SLC35D4: variants seen among roughly 807,000 people sequenced by gnomAD.
SLC35D4 encodes solute carrier family 35 member D4.
chr18:23,414,986 C>A, the SLC35D4 span, among the ~76,000 whole-genome samples: 35 of 152,082 alleles, frequency 2.3e-4, no homozygotes, highest in Non-Finnish European at 1.2e-4. Flanking sequence ...ATGGCTCACA[C>A]CTATAGTTTC....
chr18:23,262,011 C>T, the SLC35D4 span, among the ~76,000 whole-genome samples: 1 of 152,206 alleles, frequency 6.6e-6, no homozygotes, highest in Non-Finnish European at 1.5e-5. Context: ...GCAGAATCTA[C>T]ATCTTACCAT....
At chr18:23,341,616 G>C in the SLC35D4 span, among the ~76,000 whole-genome samples, 1 of 152,326 alleles carries the variant, frequency 6.6e-6, no homozygotes, top group African/African-American at 2.4e-5. Flanking sequence ...TGGGAATGCT[G>C]TATTGCTAAG....
the SLC35D4 span, among the ~76,000 whole-genome samples, chr18:23,314,975 T>C: frequency 6.6e-6 from 1 of 152,246 alleles, no homozygotes; most frequent in African/African-American, 2.4e-5. Context: ...CAAACATTCA[T>C]TTCAATCCTG....
the SLC35D4 span, among the ~76,000 whole-genome samples, chr18:23,282,756 C>T: frequency 3.3e-5 from 5 of 152,040 alleles, no homozygotes; most frequent in African/African-American, 9.7e-5. Context: ...TTTTGGAAGC[C>T]GCTTTAGAAT....
the SLC35D4 span, among the ~76,000 whole-genome samples, chr18:23,268,801 TGC>T: frequency 9.4e-5 from 13 of 138,576 alleles, no homozygotes; most frequent in African/African-American, 2.3e-4. Flanking sequence ...CGTGTGTGTG[TGC>T]GTGTGTGTGT....
chr18:23,370,006 C>A, the SLC35D4 span, among the ~76,000 whole-genome samples: 1 of 152,110 alleles, frequency 6.6e-6, no homozygotes, highest in African/African-American at 2.4e-5. Flanking sequence ...CATGGAGAAA[C>A]CCCTCTCTAC....
chr18:23,430,768 C>T, the SLC35D4 span: 2 of 1,226,542 alleles, frequency 1.6e-6, no homozygotes, highest in Non-Finnish European at 1.2e-6. Flanking sequence ...AAAAACATAA[C>T]CACATAACCT....
chr18:23,369,649 G>T, the SLC35D4 span, among the ~76,000 whole-genome samples: 1 of 152,300 alleles, frequency 6.6e-6, no homozygotes, highest in Non-Finnish European at 1.5e-5. Flanking sequence ...ATCCCCTGAA[G>T]GAAGGAGATT....
the SLC35D4 span, among the ~76,000 whole-genome samples, chr18:23,304,540 T>C: frequency 5.3e-5 from 8 of 150,048 alleles, no homozygotes; most frequent in Non-Finnish European, 1.0e-4. Flanking sequence ...ATAAAATACA[T>C]ATATTCTCTT....
the SLC35D4 span, among the ~76,000 whole-genome samples, chr18:23,394,882 C>T: frequency 6.7e-6 from 1 of 148,236 alleles, no homozygotes; most frequent in Admixed American, 6.9e-5. Context: ...AGTCGGGAGG[C>T]TGAGGCAGGA....
the SLC35D4 span, among the ~76,000 whole-genome samples, chr18:23,380,000 G>A: frequency 1.3e-5 from 2 of 152,268 alleles, no homozygotes; most frequent in Non-Finnish European, 2.9e-5. Context: ...GGGAGGCTGA[G>A]GCAGGAGAAT....
At chr18:23,333,994 A>G in the SLC35D4 span, among the ~76,000 whole-genome samples, 97 of 152,248 alleles carry the variant, frequency 6.4e-4, no homozygotes, top group African/African-American at 2.3e-3. Flanking sequence ...CCTGAGTAGG[A>G]TGTGCCCTGC....
the SLC35D4 span, among the ~76,000 whole-genome samples, chr18:23,373,446 T>C: frequency 6.6e-6 from 1 of 152,166 alleles, no homozygotes; most frequent in African/African-American, 2.4e-5. Flanking sequence ...TCACCAGGCA[T>C]GTACAGAGGA....
At chr18:23,358,295 C>T in the SLC35D4 span, among the ~76,000 whole-genome samples, 2 of 152,272 alleles carry the variant, frequency 1.3e-5, no homozygotes, top group East Asian at 3.9e-4. Context: ...TCAGGCTTCA[C>T]CCCTCTCAGC....
chr18:23,248,915 A>G, the SLC35D4 span, among the ~76,000 whole-genome samples: 24 of 152,380 alleles, frequency 1.6e-4, no homozygotes, highest in Admixed American at 6.5e-4. Flanking sequence ...TTGGCATTTC[A>G]GGAATGATCC....
At chr18:23,394,758 G>A in the SLC35D4 span, among the ~76,000 whole-genome samples, 2 of 151,878 alleles carry the variant, frequency 1.3e-5, no homozygotes, top group African/African-American at 4.8e-5. Flanking sequence ...GATCATCTGA[G>A]GTCGGGAGTT....
At chr18:23,371,151 G>C in the SLC35D4 span, among the ~76,000 whole-genome samples, 1 of 151,166 alleles carries the variant, frequency 6.6e-6, no homozygotes, top group Admixed American at 6.6e-5. Flanking sequence ...CTGGAGTGCG[G>C]TGGTGTGATC....
the SLC35D4 span, among the ~76,000 whole-genome samples, chr18:23,341,564 T>C: frequency 1.3e-5 from 2 of 152,370 alleles, no homozygotes; most frequent in South Asian, 4.1e-4. Flanking sequence ...TCTGAGTCAC[T>C]TTCTGAACAT....
At chr18:23,293,231 C>T in the SLC35D4 span, among the ~76,000 whole-genome samples, 6 of 151,878 alleles carry the variant, frequency 4.0e-5, no homozygotes, top group South Asian at 2.1e-4. Context: ...GTGACAAGAG[C>T]GAAACTCCAT....
Sources: allele counts gnomAD v4.1 joint callset (sites outside exome capture counted in the v4.1 genomes callset), GRCh38; gene constraint gnomAD v4.1.1; transcripts MANE v1.5; gene names NCBI Gene and HGNC (gene_info 2026-07-23, HGNC 2026-07-21).